Variants in CFAP20DC observed in about 807,000 individuals in gnomAD.
The protein encoded by CFAP20DC is CFAP20 domain containing.
CFAP20DC carries 84 observed loss-of-function variants against 101.7 expected under a neutral mutation model. That is an observed-to-expected ratio of 0.83 (90% CI 0.69 to 0.99). The LOEUF (loss-of-function observed/expected upper bound fraction) is 0.99. Ranked by LOEUF, CFAP20DC falls within the 50% of genes least tolerant of loss-of-function variation. The pLI is 0.00. For synonymous variants in CFAP20DC, 359 were observed against 351.2 expected, an observed-to-expected ratio of 1.02 and a Z score of -0.25; for missense variants, 1,007 against 970.3, an observed-to-expected ratio of 1.04 and a Z score of -0.50.
intron 4 of CFAP20DC, among the ~76,000 whole-genome samples, chr3:58,958,395 A>T (rs981573685): frequency 1.3e-5 from 2 of 152,194 alleles, no homozygotes; most frequent in African/African-American, 4.8e-5. Flanking sequence ...TACTATATGG[A>T]TGTATCACAT....
chr3:59,021,740 G>C (rs1239666713), intron 4 of CFAP20DC, among the ~76,000 whole-genome samples: 1 of 152,016 alleles, frequency 6.6e-6, no homozygotes, highest in Non-Finnish European at 1.5e-5. Flanking sequence ...CTGGTATACA[G>C]AACGAAACTG....
downstream of CFAP20DC, among the ~76,000 whole-genome samples, chr3:58,738,218 A>G (rs749529890): frequency 1.3e-5 from 2 of 152,134 alleles, no homozygotes; most frequent in Non-Finnish European, 2.9e-5. This position sits in a 1 kb window ranked among gnomAD's most constrained non-coding sequence, Gnocchi z 4.4. Flanking sequence ...GTACATGTAC[A>G]GGATGTGCAG....
At chr3:58,968,945 C>A (rs377297822) in intron 4 of CFAP20DC, among the ~76,000 whole-genome samples, 2 of 152,160 alleles carry the variant, frequency 1.3e-5, no homozygotes, top group African/African-American at 4.8e-5. Flanking sequence ...GTTATTCTAG[C>A]ACCATTTATT....
intron 5 of CFAP20DC, among the ~76,000 whole-genome samples, chr3:58,922,843 T>C (rs2107561824): frequency 6.6e-6 from 1 of 152,290 alleles, no homozygotes; most frequent in Non-Finnish European, 1.5e-5. Flanking sequence ...GTTTGCAATG[T>C]GGATCTTTAA....
intron 15 of CFAP20DC, among the ~76,000 whole-genome samples, chr3:58,767,340 G>A (rs1459005140): frequency 2.6e-5 from 4 of 151,946 alleles, no homozygotes; most frequent in Admixed American, 6.6e-5. Context: ...TTATAGCCAA[G>A]AAAGAAAAAT....
intron 4 of CFAP20DC, among the ~76,000 whole-genome samples, chr3:58,960,491 CAAA>C (rs931283893): frequency 2.1e-5 from 2 of 96,518 alleles, no homozygotes; most frequent in Non-Finnish European, 4.4e-5. Flanking sequence ...GACTCTGTCT[CAAA>C]AAAAAAAAAA....
Position 58,869,249 on chromosome 3 carries a change from TA to T in CFAP20DC, c.1015+78del. ...TAGACTTAAGATCTAGACTTGAATATAACTGCTGATTTATCTTAACAAGAAC... is the reference window on the plus strand; with the variant it reads ...TAGACTTAAGATCTAGACTTGAATATACTGCTGATTTATCTTAACAAGAAC... On this transcript the variant is annotated intron_variant, in intron 9 of 16. Transcript: ENST00000482387. This position sits in a 1 kb window ranked among gnomAD's most constrained non-coding sequence, Gnocchi z 4.3. 1 of 1,164,502 alleles carries T rather than the reference TA, an allele frequency of 8.6e-7. No homozygotes were observed. Among genetic ancestry groups the T allele is most frequent in the Non-Finnish European group, 1.2e-6 (1 of 827,262 alleles). The allele number at this position is 1,164,502 out of a possible 1,614,324, so 72.1% of individuals were successfully genotyped here.
At chr3:58,876,973 C>A (rs1180834993) in intron 7 of CFAP20DC, among the ~76,000 whole-genome samples, 1 of 152,120 alleles carries the variant, frequency 6.6e-6, no homozygotes, top group Admixed American at 6.5e-5. Context: ...CCTTTCTAAG[C>A]CTCACCTCTT....
chr3:58,789,337 G>A (rs557764839), intron 15 of CFAP20DC, among the ~76,000 whole-genome samples: 74 of 152,184 alleles, frequency 4.9e-4, no homozygotes, highest in African/African-American at 1.7e-3. Context: ...AAGAGTAGGT[G>A]GGATTTAATT....
chr3:58,761,699 C>T (rs2069617502), intron 15 of CFAP20DC, among the ~76,000 whole-genome samples: 2 of 152,348 alleles, frequency 1.3e-5, no homozygotes, highest in South Asian at 2.1e-4. Flanking sequence ...CGTCTACACA[C>T]TGCTTTGAAT....
chr3:58,751,334 G>C (rs894559751), intron 16 of CFAP20DC, among the ~76,000 whole-genome samples: 1 of 152,188 alleles, frequency 6.6e-6, no homozygotes, highest in African/African-American at 2.4e-5. Flanking sequence ...ATCTACTTAG[G>C]TAAGACTGTC....
Position 58,831,757 on chromosome 3 carries a change from C to G in CFAP20DC, c.2104G>C (p.Val702Leu). The G allele has an allele frequency of 6.2e-7, 1 of 1,614,100 alleles. No individual in the cohort carries two copies. Among genetic ancestry groups the G allele is most frequent in the Non-Finnish European group, 8.5e-7 (1 of 1,180,006 alleles). The part of the protein sequence containing the change: ...GTSHGLSASQ[V>L]DNCNVSISTS... ...CTTATGCTGACATTACAGTTGTCCA[C>G]CTGGGAGGCACTCAGGCCATGGGAG... The change falls in exon 14 of 17, where the codon GTG (valine) becomes CTG (leucine). Residue 702 changes from valine (V) to leucine (L), a missense_variant. Coordinates refer to ENST00000482387, the MANE Select transcript of CFAP20DC (RefSeq NM_001394063.1).
chr3:58,909,554 T>C (rs942985425), intron 6 of CFAP20DC, among the ~76,000 whole-genome samples: 2 of 152,306 alleles, frequency 1.3e-5, no homozygotes, highest in South Asian at 4.1e-4. Flanking sequence ...ATACATTTTT[T>C]TCCTGGAAAC....
chr3:59,005,133 C>A (rs1449645691), intron 4 of CFAP20DC, among the ~76,000 whole-genome samples: 1 of 152,090 alleles, frequency 6.6e-6, no homozygotes, highest in Non-Finnish European at 1.5e-5. Flanking sequence ...TAATTCTGAG[C>A]CTAGATCTCA....
At chr3:58,870,547 A>G (rs943134422) in intron 7 of CFAP20DC, among the ~76,000 whole-genome samples, 5 of 151,804 alleles carry the variant, frequency 3.3e-5, no homozygotes, top group Non-Finnish European at 5.9e-5. Flanking sequence ...AGTAATTTTT[A>G]TACTCACCAT....
At chr3:58,985,456 G>A (rs978795708) in intron 4 of CFAP20DC, among the ~76,000 whole-genome samples, 1 of 151,846 alleles carries the variant, frequency 6.6e-6, no homozygotes, top group Non-Finnish European at 1.5e-5. Flanking sequence ...AAAATAACCA[G>A]CAATGTTATC....
chr3:58,930,834 G>A (rs997461232), intron 5 of CFAP20DC, among the ~76,000 whole-genome samples: 8 of 152,190 alleles, frequency 5.3e-5, no homozygotes, highest in South Asian at 2.1e-4. Context: ...AGCTCCCAGC[G>A]TGAGCGACGC....
At chr3:58,814,196 T>C (rs1463763596) in intron 14 of CFAP20DC, among the ~76,000 whole-genome samples, 4 of 151,872 alleles carry the variant, frequency 2.6e-5, no homozygotes, top group African/African-American at 7.3e-5. Context: ...TTTTATACTA[T>C]TAATTCTACT....
Position 58,717,935 on chromosome 3 carries a change from C to T in CFAP20DC, c.198-307G>A, listed in dbSNP as rs1456260119. ...GATGCCAGTCATGACTGATGTAGGG[C>T]TTCTTAATAAGTTCTCTTCTCAAAA... On this transcript the variant is annotated intron_variant, in intron 3 of 3. Coordinates refer to the CFAP20DC transcript ENST00000486145. This position sits in a 1 kb window ranked among gnomAD's most constrained non-coding sequence, Gnocchi z 4.1. Among the ~76,000 whole-genome samples, 1 of 152,184 alleles carries T rather than the reference C, an allele frequency of 6.6e-6. No individual in the cohort carries two copies. The highest frequency in any genetic ancestry group is 1.9e-4 in the East Asian group (1 of 5,196).
Sources: allele counts gnomAD v4.1 joint callset (sites outside exome capture counted in the v4.1 genomes callset), GRCh38; gene constraint gnomAD v4.1.1; non-coding constraint Gnocchi (gnomAD v3.1); transcripts MANE v1.5; gene names NCBI Gene and HGNC (gene_info 2026-07-23, HGNC 2026-07-21).